The following GRM7 variants were observed in gnomAD, a reference collection of about 807,000 sequenced individuals.
GRM7 encodes metabotropic glutamate receptor 7.
GRM7 carries 35 observed loss-of-function variants against 84.5 expected under a neutral mutation model. The ratio of observed to expected loss-of-function variants is 0.41; its 90% confidence interval spans 0.32 to 0.55. The LOEUF (loss-of-function observed/expected upper bound fraction) is 0.55. Among genes scored for constraint, GRM7 ranks in the 20% least tolerant of loss-of-function variants. The pLI is 0.19. For synonymous variants in GRM7, 487 were observed against 455.1 expected (o/e 1.07, Z -0.89); for missense variants, 1,003 against 1,194.6 (o/e 0.84, Z 2.36).
At chr3:7,369,670 T>C (rs1694053361) in intron 4 of GRM7, among the ~76,000 whole-genome samples, 1 of 152,148 alleles carries the variant, frequency 6.6e-6, no homozygotes, top group Admixed American at 6.5e-5. Context: ...AGAGTCATTG[T>C]CAATTTATTT....
chr3:7,555,739 A>G (rs1471784601), intron 7 of GRM7, among the ~76,000 whole-genome samples: 1 of 152,140 alleles, frequency 6.6e-6, no homozygotes, highest in Non-Finnish European at 1.5e-5. Context: ...ATTACTCATA[A>G]CAGTAGAACA....
intron 7 of GRM7, among the ~76,000 whole-genome samples, chr3:7,497,090 G>A (rs567842705): frequency 1.4e-3 from 192 of 134,300 alleles, no homozygotes; most frequent in African/African-American, 4.8e-3. Context: ...AAGGCCATCA[G>A]GTTATTTAGA....
chr3:7,018,966 G>A (rs956642066), intron 1 of GRM7, among the ~76,000 whole-genome samples: 6 of 152,082 alleles, frequency 3.9e-5, no homozygotes, highest in Admixed American at 6.5e-5. Context: ...GCGTCATGGC[G>A]CATGCCTGTA....
intron 1 of GRM7, among the ~76,000 whole-genome samples, chr3:6,986,641 T>G (rs1311179266): frequency 6.6e-6 from 1 of 152,210 alleles, no homozygotes; most frequent in Middle Eastern, 3.2e-3. Flanking sequence ...TCTAGCTCTC[T>G]GTATGGAATA....
chr3:7,271,288 A>C (rs1407036906), intron 2 of GRM7, among the ~76,000 whole-genome samples: 1 of 152,068 alleles, frequency 6.6e-6, no homozygotes, highest in Non-Finnish European at 1.5e-5. Context: ...GGCCGGGCGC[A>C]GTGGCTAACG....
At chr3:7,464,167 T>C (rs567020577) in intron 7 of GRM7, among the ~76,000 whole-genome samples, 33 of 152,194 alleles carry the variant, frequency 2.2e-4, no homozygotes, top group African/African-American at 7.5e-4. Flanking sequence ...TCAGAAGTCA[T>C]TGGGCAATGT....
intron 8 of GRM7, among the ~76,000 whole-genome samples, chr3:7,668,531 T>TAACA (rs1249816357): frequency 1.3e-5 from 2 of 152,210 alleles, no homozygotes; most frequent in Non-Finnish European, 2.9e-5. Context: ...AGAACTTGCC[T>TAACA]AACAGAACAG....
At chr3:7,002,334 C>T (rs997903627) in intron 1 of GRM7, among the ~76,000 whole-genome samples, 2 of 152,054 alleles carry the variant, frequency 1.3e-5, no homozygotes, top group Non-Finnish European at 2.9e-5. Flanking sequence ...ACAGGATAAC[C>T]GTAGGGCTTC....
chr3:7,498,658 C>T (rs1699784350), intron 7 of GRM7, among the ~76,000 whole-genome samples: 1 of 152,150 alleles, frequency 6.6e-6, no homozygotes, highest in South Asian at 2.1e-4. Flanking sequence ...GCAGTAGATT[C>T]TCAGTGTTTT....
intron 7 of GRM7, among the ~76,000 whole-genome samples, chr3:7,571,907 T>C (rs191797803): frequency 3.4e-4 from 52 of 152,300 alleles, no homozygotes; most frequent in African/African-American, 1.2e-3. Context: ...GAGTAAGTCA[T>C]GTCTTACATG....
intron 2 of GRM7, among the ~76,000 whole-genome samples, chr3:7,262,608 G>A (rs1195874657): frequency 6.6e-6 from 1 of 152,186 alleles, no homozygotes; most frequent in Admixed American, 6.5e-5. Flanking sequence ...TGTCATGTCA[G>A]CCATCTAAGC....
At chr3:7,644,794 A>G (rs1318783926) in intron 8 of GRM7, among the ~76,000 whole-genome samples, 7 of 152,250 alleles carry the variant, frequency 4.6e-5, no homozygotes, top group African/African-American at 1.2e-4. Context: ...GGTAATCTAC[A>G]GTCTTAGGGG....
intron 1 of GRM7, among the ~76,000 whole-genome samples, chr3:6,876,735 G>T (rs937559379): frequency 1.3e-5 from 2 of 151,524 alleles, no homozygotes; most frequent in Admixed American, 1.3e-4. Context: ...TGGAGAAGCT[G>T]GGATTATAGG....
chr3:6,940,722 A>G (rs1697862720), intron 1 of GRM7, among the ~76,000 whole-genome samples: 1 of 152,214 alleles, frequency 6.6e-6, no homozygotes, highest in South Asian at 2.1e-4. Flanking sequence ...TCTATTTTGT[A>G]GAAGGAACAA....
chr3:7,298,029 A>G (rs898009588), intron 2 of GRM7, among the ~76,000 whole-genome samples: 1 of 152,198 alleles, frequency 6.6e-6, no homozygotes, highest in African/African-American at 2.4e-5. Context: ...CCTTTCCCTA[A>G]CATAAAATGA....
intron 2 of GRM7, among the ~76,000 whole-genome samples, chr3:7,158,102 G>A (rs1033718486): frequency 1.3e-5 from 2 of 152,156 alleles, no homozygotes; most frequent in African/African-American, 4.8e-5. Context: ...AATGCAAACT[G>A]TAGGAAGAGG....
intron 2 of GRM7, among the ~76,000 whole-genome samples, chr3:7,253,592 A>T (rs143942512): frequency 9.1e-4 from 131 of 143,748 alleles, no homozygotes; most frequent in African/African-American, 3.3e-3. Context: ...ACTCCAGCCC[A>T]GGCAACAAGA....
chr3:7,656,545 G>GCACACACACA (rs1288626812), intron 8 of GRM7, among the ~76,000 whole-genome samples: 18 of 120,416 alleles, frequency 1.5e-4, no homozygotes, highest in South Asian at 5.3e-4. Flanking sequence ...ATATACGCGC[G>GCACACACACA]CGCACACACA....
intron 3 of GRM7, 42 bp from the exon 4 acceptor site, chr3:7,306,456 G>A (rs748768348): frequency 9.6e-6 from 15 of 1,569,332 alleles, no homozygotes; most frequent in Middle Eastern, 1.7e-4. Flanking sequence ...TTCAGCTGAC[G>A]TTCTTTATCA....
Sources: allele counts gnomAD v4.1 joint callset (sites outside exome capture counted in the v4.1 genomes callset), GRCh38; gene constraint gnomAD v4.1.1; transcripts MANE v1.5; gene names NCBI Gene and HGNC (gene_info 2026-07-23, HGNC 2026-07-21).